The following GRIA4 variants were observed in gnomAD, a reference collection of about 807,000 sequenced individuals.
GRIA4 encodes the protein glutamate ionotropic receptor AMPA type subunit 4, also known as glutamate receptor 4.
In GRIA4, 34 loss-of-function variants were observed where a neutral mutation model predicts 104.0. The observed-to-expected ratio is 0.33, with a 90% CI of 0.25 to 0.44. The LOEUF (loss-of-function observed/expected upper bound fraction) is 0.44, where lower values mean the gene tolerates loss of function less well. Ranked by LOEUF, GRIA4 falls within the 20% of genes least tolerant of loss-of-function variation. The pLI, the probability that GRIA4 is intolerant of heterozygous loss-of-function variation, is 1.00. For synonymous variants in GRIA4, 386 were observed against 381.9 expected, an observed-to-expected ratio of 1.01 and a Z score of -0.13; for missense variants, 750 against 1,096.5, an observed-to-expected ratio of 0.68 and a Z score of 4.46.
chr11:105,652,311 C>T (rs118093070), intron 3 of GRIA4, among the ~76,000 whole-genome samples: 4 of 151,848 alleles, frequency 2.6e-5, no homozygotes, highest in Admixed American at 6.6e-5. Context: ...AAGAACATAC[C>T]GAGAAAGAAT....
At chr11:105,849,405 G>T (rs1425428934) in intron 4 of GRIA4, among the ~76,000 whole-genome samples, 1 of 152,162 alleles carries the variant, frequency 6.6e-6, no homozygotes, top group Non-Finnish European at 1.5e-5. Flanking sequence ...AGTTCTGAAG[G>T]AGACACCTAG....
At chr11:105,939,595 GA>G (rs1320673280) in intron 14 of GRIA4, among the ~76,000 whole-genome samples, 1 of 151,960 alleles carries the variant, frequency 6.6e-6, no homozygotes, top group Non-Finnish European at 1.5e-5. Flanking sequence ...TATAGATTCT[GA>G]CCATGGTGGC....
chr11:105,912,049 A>T (rs1947264982), intron 10 of GRIA4: 2 of 1,141,164 alleles, frequency 1.8e-6, no homozygotes, highest in Non-Finnish European at 2.2e-6. Flanking sequence ...GAAAAAAAAA[A>T]TTTTAAGTTC....
intron 13 of GRIA4, among the ~76,000 whole-genome samples, chr11:105,930,939 A>C (rs1338787154): frequency 2.6e-5 from 4 of 152,194 alleles, no homozygotes; most frequent in Non-Finnish European, 5.9e-5. Flanking sequence ...AAATATATTT[A>C]AAAAGTAGTT....
At chr11:105,825,851 C>A (rs1225136332) in intron 4 of GRIA4, among the ~76,000 whole-genome samples, 1 of 151,956 alleles carries the variant, frequency 6.6e-6, no homozygotes, top group East Asian at 1.9e-4. Flanking sequence ...TACAGGCATA[C>A]AATACCAATT....
intron 4 of GRIA4, among the ~76,000 whole-genome samples, chr11:105,801,436 GA>G (rs1238663363): frequency 7.2e-5 from 11 of 151,892 alleles, no homozygotes; most frequent in African/African-American, 2.7e-4. Context: ...AGAAAAAATA[GA>G]AAGTAATATG....
chr11:105,833,801 C>T (rs184187570), intron 4 of GRIA4, among the ~76,000 whole-genome samples: 2 of 152,058 alleles, frequency 1.3e-5, no homozygotes, highest in Admixed American at 1.3e-4. Flanking sequence ...TACATGTTCT[C>T]CTACCTATCC....
intron 3 of GRIA4, among the ~76,000 whole-genome samples, chr11:105,691,860 G>C (rs1259227146): frequency 6.6e-6 from 1 of 150,464 alleles, no homozygotes; most frequent in Non-Finnish European, 1.5e-5. Flanking sequence ...TCTTGAACCA[G>C]GGAGGCGGAG....
At chr11:105,686,364 G>T (rs1324801834) in intron 3 of GRIA4, among the ~76,000 whole-genome samples, 4 of 152,160 alleles carry the variant, frequency 2.6e-5, no homozygotes, top group African/African-American at 9.7e-5. Flanking sequence ...TTAAGCTAGT[G>T]GCTTCCAGCT....
At chr11:105,828,055 T>C (rs1178322541) in intron 4 of GRIA4, among the ~76,000 whole-genome samples, 1 of 152,048 alleles carries the variant, frequency 6.6e-6, no homozygotes, top group Admixed American at 6.6e-5. Flanking sequence ...ATTGCCATGC[T>C]ATTTTTAGTC....
intron 3 of GRIA4, among the ~76,000 whole-genome samples, chr11:105,739,152 A>ATT (rs1939153123): frequency 6.6e-6 from 1 of 152,136 alleles, no homozygotes; most frequent in South Asian, 2.1e-4. Flanking sequence ...CACTGAATGG[A>ATT]ATCTTGCTCC....
At chr11:105,871,742 G>A (rs1945624520) in intron 5 of GRIA4, among the ~76,000 whole-genome samples, 1 of 151,796 alleles carries the variant, frequency 6.6e-6, no homozygotes, top group African/African-American at 2.4e-5. Context: ...ATGACTTTCA[G>A]AATTAATCAC....
chr11:105,709,355 G>A (rs1359168859), intron 3 of GRIA4, among the ~76,000 whole-genome samples: 1 of 152,120 alleles, frequency 6.6e-6, no homozygotes, highest in Non-Finnish European at 1.5e-5. Flanking sequence ...TAGAAGGATG[G>A]AAGGGAAACA....
chr11:105,752,620 T>TA (rs201983120), intron 3 of GRIA4, among the ~76,000 whole-genome samples: 2,093 of 152,200 alleles, frequency 0.014, 31 homozygotes, highest in Non-Finnish European at 0.017. Flanking sequence ...TAGAAAAAAA[T>TA]ACAGAAAATA....
chr11:105,634,163 A>G lies in GRIA4; in HGVS notation c.247+21729A>G, dbSNP rs189632758. Among the ~76,000 whole-genome samples the G allele has an allele frequency of 2.0e-5, 3 of 152,134 alleles. No homozygotes were observed. The East Asian group carries it at 5.8e-4, about 30-fold the overall frequency. On this transcript the variant is annotated intron_variant, in intron 3 of 16. Transcript: ENST00000282499. ...GGAGTTCAGGACAAGCCTGGGCAAC[A>G]TGGTGAAACCCCGACTCTACTAAAA...
At chr11:105,833,121 C>A (rs1944039411) in intron 4 of GRIA4, among the ~76,000 whole-genome samples, 1 of 151,932 alleles carries the variant, frequency 6.6e-6, no homozygotes, top group Non-Finnish European at 1.5e-5. Context: ...GCTTCCACTT[C>A]TTCACGCTGT....
At chr11:105,896,723 T>C (rs1591413653) in intron 6 of GRIA4, among the ~76,000 whole-genome samples, 1 of 152,136 alleles carries the variant, frequency 6.6e-6, no homozygotes. Flanking sequence ...TGGTTGTAGG[T>C]ATGTGACTTT....
chr11:105,854,987 T>A (rs760672434), intron 4 of GRIA4, among the ~76,000 whole-genome samples: 1 of 152,216 alleles, frequency 6.6e-6, no homozygotes, highest in Non-Finnish European at 1.5e-5. Flanking sequence ...TCAACTGTAT[T>A]GTGAAATACT....
At chr11:105,900,822 T>C (rs985528897) in intron 7 of GRIA4, among the ~76,000 whole-genome samples, 2 of 152,166 alleles carry the variant, frequency 1.3e-5, no homozygotes, top group Non-Finnish European at 2.9e-5. Flanking sequence ...GCTCCTGGCC[T>C]CAAGTGATCT....
Sources: gnomAD v4.1 joint callset for allele counts (sites outside exome capture counted in the v4.1 genomes callset) on GRCh38, gnomAD v4.1.1 for gene constraint, MANE v1.5 for transcripts, NCBI Gene and HGNC (gene_info 2026-07-23, HGNC 2026-07-21) for gene names.